PRTG: variants seen among roughly 807,000 people sequenced by gnomAD.
The protein encoded by PRTG is protogenin, also known as immunoglobulin superfamily, DCC subclass, member 5.
A neutral mutation model predicts 122.5 loss-of-function variants in PRTG; 67 were observed. That is an observed-to-expected ratio of 0.55 (90% confidence interval 0.45 to 0.67). The LOEUF (loss-of-function observed/expected upper bound fraction) is 0.67, where lower values mean the gene tolerates loss of function less well. PRTG is among the 30% of genes least tolerant of loss of function. The pLI, the probability that PRTG is intolerant of heterozygous loss-of-function variation, is 0.00. For missense variants in PRTG, 1,435 were observed against 1,415.4 expected, an observed-to-expected ratio of 1.01 and a Z score of -0.22; for synonymous variants, 554 against 501.1, an observed-to-expected ratio of 1.11 and a Z score of -1.41.
At chr15:55,671,324 T>C (rs981932120) in intron 11 of PRTG, among the ~76,000 whole-genome samples, 4 of 152,182 alleles carry the variant, frequency 2.6e-5, no homozygotes, top group African/African-American at 4.8e-5. Context: ...AATCCTAATA[T>C]GTCCAGAAGG....
chr15:55,649,080 C>A, intron 11 of PRTG, among the ~76,000 whole-genome samples: 1 of 147,326 alleles, frequency 6.8e-6, no homozygotes, highest in Non-Finnish European at 1.5e-5. Flanking sequence ...CTGAGCAAGA[C>A]TCCGTCTCAA....
At chr15:55,642,934 T>C (rs1037382349) in intron 11 of PRTG, among the ~76,000 whole-genome samples, 2 of 151,942 alleles carry the variant, frequency 1.3e-5, no homozygotes, top group Non-Finnish European at 2.9e-5. Flanking sequence ...ATTAGCTTGG[T>C]GTGGTGGTGC....
intron 11 of PRTG, among the ~76,000 whole-genome samples, chr15:55,642,180 C>CAA (rs761440348): frequency 0.013 from 802 of 64,152 alleles, 8 homozygotes; most frequent in Middle Eastern, 0.036. Context: ...GACTCCGTCT[C>CAA]AAAAAAAAAA....
At chr15:55,635,103 G>GTT (rs869027822) in intron 15 of PRTG, among the ~76,000 whole-genome samples, 1 of 112,770 alleles carries the variant, frequency 8.9e-6, no homozygotes, top group Non-Finnish European at 1.8e-5. Flanking sequence ...GTGTGTGTGT[G>GTT]TTTTTTGAGA....
At chr15:55,640,013 A>G (rs1246366852) in intron 12 of PRTG, 185 bp from the exon 13 acceptor site, 1 of 959,004 alleles carries the variant, frequency 1.0e-6, no homozygotes. Context: ...GTTATATAAG[A>G]AGTCAAAAAC....
chr15:55,702,961 T>C lies in PRTG; in HGVS notation c.398-19030A>G, dbSNP rs913202289. The C allele has an allele frequency of 5.1e-6, 5 of 979,408 alleles. No individual in the cohort carries two copies. The African/African-American group carries it at 8.8e-5, about 17-fold the overall frequency. The allele number at this position is 979,408 out of a possible 1,614,324, so 60.7% of individuals were successfully genotyped here. ...TCAGTTCCGGGGTCCCCTGACATTC[T>C]AAACCTATCTTGGGAATTCTCATAA... On this transcript the variant is annotated intron_variant, in intron 2 of 19. Coordinates refer to ENST00000389286, the MANE Select transcript of PRTG (RefSeq NM_173814.6).
chr15:55,621,863 C>T (rs893678014), intron 18 of PRTG, among the ~76,000 whole-genome samples: 2 of 152,230 alleles, frequency 1.3e-5, no homozygotes, highest in African/African-American at 4.8e-5. Flanking sequence ...AGATACAAAA[C>T]TATGATATTA....
intron 2 of PRTG, among the ~76,000 whole-genome samples, chr15:55,696,444 T>C (rs945934499): frequency 6.6e-6 from 1 of 152,234 alleles, no homozygotes; most frequent in Non-Finnish European, 1.5e-5. Context: ...CTTCTTGCCT[T>C]ATCAAGTCTG....
chr15:55,627,594 C>T (rs890683374), intron 16 of PRTG, among the ~76,000 whole-genome samples: 1 of 151,586 alleles, frequency 6.6e-6, no homozygotes, highest in African/African-American at 2.4e-5. Context: ...CTTGCCTCGG[C>T]CTCCCAAAGT....
intron 1 of PRTG, among the ~76,000 whole-genome samples, chr15:55,741,481 G>A (rs1231394276): frequency 1.3e-5 from 2 of 152,230 alleles, no homozygotes; most frequent in Admixed American, 6.5e-5. Flanking sequence ...TTTTATCAGA[G>A]CAGAGGAAAG....
At chr15:55,662,654 A>AT (rs553785668) in intron 11 of PRTG, among the ~76,000 whole-genome samples, 6 of 151,806 alleles carry the variant, frequency 4.0e-5, no homozygotes, top group South Asian at 2.1e-4. Flanking sequence ...GTCTTTGAAG[A>AT]TTTTTTTTTA....
At chr15:55,742,576 C>CACGGGCGCGCGGCGCGGAGGG in intron 1 of PRTG, 1 of 459,738 alleles carries the variant, frequency 2.2e-6, no homozygotes, top group East Asian at 3.8e-5. Context: ...ACTCCGCAGC[C>CACGGGCGCGCGGCGCGGAGGG]ACGGGCGCGC....
intron 2 of PRTG, among the ~76,000 whole-genome samples, chr15:55,686,029 C>T (rs1226025721): frequency 6.6e-6 from 1 of 152,154 alleles, no homozygotes; most frequent in East Asian, 1.9e-4. Context: ...CCATCCCCTG[C>T]TGTTTATCTA....
chr15:55,621,229 G>A (rs1229952164), intron 18 of PRTG, among the ~76,000 whole-genome samples: 3 of 152,118 alleles, frequency 2.0e-5, no homozygotes, highest in Non-Finnish European at 4.4e-5. Flanking sequence ...GCAGGCGCCT[G>A]TAATCCCAGC....
intron 11 of PRTG, among the ~76,000 whole-genome samples, chr15:55,661,452 T>A (rs2059408998): frequency 6.6e-6 from 1 of 152,230 alleles, no homozygotes; most frequent in Non-Finnish European, 1.5e-5. Flanking sequence ...GGCCTTACTT[T>A]ATTTAGGGTT....
In PRTG at chr15:55,637,179, G is replaced by A. The variant is rs763793512; in HGVS notation, c.2614C>T (p.His872Tyr). The A allele has an allele frequency of 1.3e-6, 2 of 1,591,770 alleles. No homozygotes were observed. The highest frequency in any genetic ancestry group is 1.7e-6 in the Non-Finnish European group (2 of 1,168,806). ...AATTTATGATATTTACCTTCACGGT[G>A]TAAGACCTGCCACTCTCCTGCAATC... The part of the protein sequence containing the change: ...AWIAGEWQVL[H>Y]REGAITMALL... The change falls in exon 15 of 20, where the codon CAC (histidine) becomes TAC (tyrosine). Residue 872 changes from histidine to tyrosine, a missense_variant. Physicochemically the swap from His to Tyr is moderately conservative, Grantham distance 83. Coordinates refer to ENST00000389286, the MANE Select transcript of PRTG (RefSeq NM_173814.6).
Position 55,620,786 on chromosome 15 carries a change from G to A in PRTG, c.3094-19C>T, listed in dbSNP as rs1333782555. 2 of 1,568,258 alleles carry A rather than the reference G, an allele frequency of 1.3e-6. No homozygotes were observed. Among genetic ancestry groups the A allele is most frequent in the Non-Finnish European group, 1.7e-6 (2 of 1,159,672 alleles). On this transcript the variant is annotated intron_variant, in intron 18 of 19. Transcript: ENST00000389286. ...TTCCTCCCTGAGGAAATAAAAGAGG[G>A]GAAATGTAAAATATCCTGGTATCAC...
intron 9 of PRTG, among the ~76,000 whole-genome samples, 175 bp downstream of exon 9, chr15:55,675,344 G>T (rs2059496377): frequency 6.6e-6 from 1 of 152,082 alleles, no homozygotes; most frequent in Non-Finnish European, 1.5e-5. Flanking sequence ...TTCTGAAAGT[G>T]CTCTTTATCC....
chr15:55,652,529 C>A (rs1010865646), intron 11 of PRTG, among the ~76,000 whole-genome samples: 1 of 152,090 alleles, frequency 6.6e-6, no homozygotes, highest in African/African-American at 2.4e-5. Context: ...CCTGTCCCTT[C>A]GACACAATAC....
Sources: allele counts gnomAD v4.1 joint callset (sites outside exome capture counted in the v4.1 genomes callset), GRCh38; gene constraint gnomAD v4.1.1; transcripts MANE v1.5; gene names NCBI Gene and HGNC (gene_info 2026-07-23, HGNC 2026-07-21).